The following PRRX2 variants were observed in gnomAD, a reference collection of about 807,000 sequenced individuals.
PRRX2 encodes paired mesoderm homeobox protein 2.
Under a neutral mutation model 18.0 loss-of-function variants are expected in PRRX2, and 11 were observed. That is an observed-to-expected ratio of 0.61 (90% CI 0.39 to 1.01). The LOEUF (loss-of-function observed/expected upper bound fraction) is 1.01, where lower values mean the gene tolerates loss of function less well. Among genes scored for constraint, PRRX2 ranks in the 50% least tolerant of loss-of-function variants. PRRX2 has a pLI of 0.01. For synonymous variants in PRRX2, 177 were observed against 154.8 expected (o/e 1.14, Z -1.06); for missense variants, 387 against 351.0 (o/e 1.10, Z -0.82).
At position 129,665,800 on chromosome 9, in the gene PRRX2, G is replaced by T; in HGVS notation, c.-68G>T. ...GCGGCCGGGGCTCTCGCTCCGACCCGCGCCCGCGACCCTTCCTGGGACCCG... is the reference window on the plus strand; with the variant it reads ...GCGGCCGGGGCTCTCGCTCCGACCCTCGCCCGCGACCCTTCCTGGGACCCG... On this transcript the variant is annotated 5_prime_UTR_variant, in exon 1 of 4. Coordinates refer to ENST00000372469, the MANE Select transcript of PRRX2 (RefSeq NM_016307.4). The surrounding 1 kb of genome is among the most constrained non-coding windows in gnomAD (Gnocchi z 5.3). 1 of 1,000,650 alleles carries T rather than the reference G, an allele frequency of 1.0e-6. No individual in the cohort carries two copies. Among genetic ancestry groups the T allele is most frequent in the Non-Finnish European group, 1.2e-6 (1 of 837,804 alleles). 62.0% of individuals were successfully genotyped at this position (1,000,650 alleles called of 1,614,324 possible).
rs190506725 is a variant in PRRX2, at chr9:129,696,674, A to G, written c.260-22557A>G. Among the ~76,000 whole-genome samples the G allele has an allele frequency of 9.3e-4, 141 of 152,316 alleles. 2 individuals are homozygous for G. The East Asian group carries it at 0.027, about 29-fold the overall frequency. On this transcript the variant is annotated intron_variant, in intron 1 of 3. Transcript: ENST00000372469. ...GATAAGGGGTGGATTCCAAATAAGCAGCTGTCTTGCCGCCTTGCCAAGGGA... is the reference window on the plus strand; with the variant it reads ...GATAAGGGGTGGATTCCAAATAAGCGGCTGTCTTGCCGCCTTGCCAAGGGA...
rs958962262 is a variant in PRRX2, at chr9:129,715,758, A to T, written c.260-3473A>T. ...CTTCAGGGACATCTTTCTCACACACACACACACACACACACACACACACAC... is the reference window on the plus strand; with the variant it reads ...CTTCAGGGACATCTTTCTCACACACTCACACACACACACACACACACACAC... On this transcript the variant is annotated intron_variant, in intron 1 of 3. Coordinates refer to ENST00000372469, the MANE Select transcript of PRRX2 (RefSeq NM_016307.4). This position sits in a 1 kb window ranked among gnomAD's most constrained non-coding sequence, Gnocchi z 4.0. 1.2e-3 allele frequency among the ~76,000 whole-genome samples: 146 copies of T among 123,614 alleles called. No individual in the cohort carries two copies. The highest frequency in any genetic ancestry group is 3.9e-3 in the African/African-American group (107 of 27,516). 81.1% of individuals were successfully genotyped at this position (123,614 alleles called of 152,430 possible).
In PRRX2 at chr9:129,719,407, G is replaced by T. The variant is rs1458826732; in HGVS notation, c.436G>T (p.Ala146Ser). Reference sequence around the variant, plus strand: ...TGCCCGGCGCGTCAACCTCAGCGAGGCGCGCGTTCAGGTGAGCGCTCAGTC... The same window carrying T: ...TGCCCGGCGCGTCAACCTCAGCGAGTCGCGCGTTCAGGTGAGCGCTCAGTC... ...ELARRVNLSE[A>S]RVQVWFQNRR... The change falls in exon 2 of 4, where the codon GCG becomes TCG. Residue 146 changes from alanine (A) to serine (S), a missense_variant. Physicochemically the swap from Ala to Ser is moderately conservative, Grantham distance 99. Coordinates refer to ENST00000372469, the MANE Select transcript of PRRX2 (RefSeq NM_016307.4). The T allele has an allele frequency of 6.5e-7, 1 of 1,536,902 alleles. No individual in the cohort carries two copies. The highest frequency in any genetic ancestry group is 2.5e-5 in the East Asian group (1 of 40,762).
At chr9:129,680,287 A>T (rs13293582) in intron 1 of PRRX2, among the ~76,000 whole-genome samples, 2 of 151,482 alleles carry the variant, frequency 1.3e-5, no homozygotes, top group African/African-American at 4.9e-5. Context: ...TGTAATCCCA[A>T]CTACTCCGGA....
intron 1 of PRRX2, among the ~76,000 whole-genome samples, chr9:129,684,424 T>C (rs948275475): frequency 1.9e-3 from 83 of 44,696 alleles, no homozygotes; most frequent in South Asian, 3.9e-3. Context: ...CACACACAGA[T>C]ACAACACACA....
intron 1 of PRRX2, among the ~76,000 whole-genome samples, chr9:129,688,870 G>A (rs988671125): frequency 1.3e-5 from 2 of 152,194 alleles, no homozygotes; most frequent in African/African-American, 4.8e-5. Flanking sequence ...CTGGTTGGGT[G>A]GCTCTAGGCC....
At chr9:129,699,907 C>G (rs1313897680) in intron 1 of PRRX2, among the ~76,000 whole-genome samples, 2 of 152,184 alleles carry the variant, frequency 1.3e-5, no homozygotes, top group Admixed American at 6.5e-5. Context: ...CTCAGCGTGC[C>G]AGGCACATGG....
rs376993429 is a variant in PRRX2, at chr9:129,689,792, G to A, written c.259+23666G>A. On this transcript the variant is annotated intron_variant, in intron 1 of 3. Transcript: ENST00000372469. ...TATTGAGACGGAGTCTTACTCTTTC[G>A]CCCAGGCTGGAGTGCAGTGGCACAA... Among the ~76,000 whole-genome samples the A allele has an allele frequency of 4.9e-4, 52 of 105,550 alleles. 1 individual carries two copies. The highest frequency in any genetic ancestry group is 3.9e-3 in the African/African-American group (50 of 12,944). The allele number at this position is 105,550 out of a possible 152,430, so 69.2% of individuals were successfully genotyped here. A position where few individuals can be genotyped will look rare whatever the true frequency, so the allele number is the denominator to read the frequency against.
At chr9:129,719,507 G>A (rs1362013476) in intron 2 of PRRX2, 89 bp downstream of exon 2, 5 of 1,372,432 alleles carry the variant, frequency 3.6e-6, no homozygotes, top group Non-Finnish European at 4.7e-6. Context: ...TTGCCCAGGA[G>A]GGGTGTTTGA....
chr9:129,706,299 T>TAA lies in PRRX2; in HGVS notation c.260-12932_260-12931insAA, dbSNP rs375386828. Among the ~76,000 whole-genome samples, 513 of 79,308 alleles carry TAA rather than the reference T, an allele frequency of 6.5e-3. 18 individuals carry two copies. In the East Asian group the frequency reaches 0.2, roughly 31 times the overall value. The allele number at this position is 79,308 out of a possible 152,430, so 52.0% of individuals were successfully genotyped here. On this transcript the variant is annotated intron_variant, in intron 1 of 3. Coordinates refer to ENST00000372469, the MANE Select transcript of PRRX2 (RefSeq NM_016307.4). ...CCATCTCTACACAAAAATTTTTTTT[T>TAA]CCCAGGCGCGGTGGCTCACACCTGT... is the stretch of plus-strand genomic sequence containing the variant.
At chr9:129,719,506 A>G (rs1832762229) in intron 2 of PRRX2, 88 bp downstream of exon 2, 6 of 1,371,976 alleles carry the variant, frequency 4.4e-6, no homozygotes, top group Middle Eastern at 2.7e-4. Context: ...GTTGCCCAGG[A>G]GGGGTGTTTG....
chr9:129,722,656 A>AT lies in PRRX2; in HGVS notation c.*311dup, dbSNP rs552520403. Reference sequence around the variant, plus strand: ...GCTTTTGTCTTTAAGAAATAAAACCATTTTTTTAAGCCCCAAAAGGTTGCA... The same window carrying AT: ...GCTTTTGTCTTTAAGAAATAAAACCATTTTTTTTAAGCCCCAAAAGGTTGCA... On this transcript the variant is annotated 3_prime_UTR_variant, in exon 4 of 4. Coordinates refer to ENST00000372469, the MANE Select transcript of PRRX2 (RefSeq NM_016307.4). 3.1e-4 allele frequency: 77 copies of AT among 252,268 alleles called. No individual in the cohort carries two copies. In the East Asian group the frequency reaches 4.4e-3, roughly 14 times the overall value. 15.6% of individuals were successfully genotyped at this position (252,268 alleles called of 1,614,324 possible). A position where few individuals can be genotyped will look rare whatever the true frequency, so the allele number is the denominator to read the frequency against.
intron 1 of PRRX2, among the ~76,000 whole-genome samples, chr9:129,701,826 G>A (rs112047551): frequency 0.033 from 4,969 of 152,222 alleles, 303 homozygotes; most frequent in African/African-American, 0.11. Context: ...TAGGCCAGGC[G>A]CAGTGGCTCA....
At chr9:129,713,145 C>G (rs370892637) in intron 1 of PRRX2, 1 of 152,294 alleles carries the variant, frequency 6.6e-6, no homozygotes, top group Non-Finnish European at 1.5e-5. Flanking sequence ...TCCCCGTCCG[C>G]GTTCCTTCCC....
At chr9:129,667,371 C>T (rs1004290032) in intron 1 of PRRX2, among the ~76,000 whole-genome samples, 5 of 152,208 alleles carry the variant, frequency 3.3e-5, no homozygotes, top group Non-Finnish European at 5.9e-5. Context: ...CTGGTTTGTG[C>T]TGGGGGAATG....
At chr9:129,674,762 T>C (rs1255539144) in intron 1 of PRRX2, among the ~76,000 whole-genome samples, 6 of 152,164 alleles carry the variant, frequency 3.9e-5, no homozygotes, top group Admixed American at 2.6e-4. Context: ...CTTGCCCAGC[T>C]CTACAGCTTG....
intron 1 of PRRX2, among the ~76,000 whole-genome samples, chr9:129,710,397 C>T (rs915402157): frequency 2.6e-4 from 39 of 152,314 alleles, no homozygotes; most frequent in African/African-American, 9.1e-4. Context: ...TGCCTTACAC[C>T]TGGTCCCTGA....
intron 1 of PRRX2, among the ~76,000 whole-genome samples, chr9:129,674,843 A>G (rs1378805854): frequency 1.3e-5 from 2 of 152,084 alleles, no homozygotes; most frequent in African/African-American, 2.4e-5. Context: ...ACATTTGTTT[A>G]TGGACATATT....
At chr9:129,676,832 C>G (rs2119056784) in intron 1 of PRRX2, among the ~76,000 whole-genome samples, 2 of 152,282 alleles carry the variant, frequency 1.3e-5, no homozygotes, top group Admixed American at 1.3e-4. Flanking sequence ...GCTCTGTCCT[C>G]AAACCTGGAG....
Sources: allele counts gnomAD v4.1 joint callset (sites outside exome capture counted in the v4.1 genomes callset), GRCh38; gene constraint gnomAD v4.1.1; non-coding constraint Gnocchi (gnomAD v3.1); transcripts MANE v1.5; gene names NCBI Gene and HGNC (gene_info 2026-07-23, HGNC 2026-07-21).